The following COMMD10 variants were observed in gnomAD, a reference collection of about 807,000 sequenced individuals.
The protein encoded by COMMD10 is COMM domain-containing protein 10.
COMMD10 carries 33 observed loss-of-function variants against 28.9 expected under a neutral mutation model. The ratio of observed to expected loss-of-function variants is 1.14; its 90% confidence interval spans 0.87 to 1.53. The LOEUF (loss-of-function observed/expected upper bound fraction) is 1.53, where lower values mean the gene tolerates loss of function less well. Among genes scored for constraint, COMMD10 ranks in the 40% most tolerant of loss-of-function variants. COMMD10 has a pLI of 0.00. For missense variants in COMMD10, 310 were observed against 233.4 expected (o/e 1.33, Z -2.14); for synonymous variants, 110 against 81.7 (o/e 1.35, Z -1.87).
intron 4 of COMMD10, among the ~76,000 whole-genome samples, chr5:116,112,960 G>T (rs1448258583): frequency 6.6e-6 from 1 of 152,086 alleles, no homozygotes. Flanking sequence ...ATATTGTCCT[G>T]TCTCTTCCAA....
At chr5:116,182,379 A>G (rs1251123357) in intron 5 of COMMD10, among the ~76,000 whole-genome samples, 1 of 151,910 alleles carries the variant, frequency 6.6e-6, no homozygotes, top group Non-Finnish European at 1.5e-5. Flanking sequence ...AATTAATGGT[A>G]GTATTGTTTA....
chr5:116,254,752 T>C (rs12522519), intron 5 of COMMD10, among the ~76,000 whole-genome samples: 11,097 of 151,782 alleles, frequency 0.073, 515 homozygotes, highest in Admixed American at 0.13. Flanking sequence ...TGTGGTGTGG[T>C]GCTGACAAAA....
At chr5:116,289,571 A>G (rs1751312207) in intron 5 of COMMD10, among the ~76,000 whole-genome samples, 1 of 151,828 alleles carries the variant, frequency 6.6e-6, no homozygotes. Context: ...TTCTTTAATT[A>G]ATACAGAAAC....
intron 5 of COMMD10, among the ~76,000 whole-genome samples, chr5:116,155,284 T>C (rs1448661893): frequency 6.6e-6 from 1 of 152,160 alleles, no homozygotes. Context: ...CACATAAATA[T>C]GAAGTTTCTA....
chr5:116,227,321 C>A (rs1200894473), intron 5 of COMMD10, among the ~76,000 whole-genome samples: 1 of 151,918 alleles, frequency 6.6e-6, no homozygotes, highest in South Asian at 2.1e-4. Context: ...TTATTCTTAC[C>A]AATAATTCTG....
At chr5:116,136,810 C>T (rs1175631157) in intron 5 of COMMD10, among the ~76,000 whole-genome samples, 1 of 152,052 alleles carries the variant, frequency 6.6e-6, no homozygotes, top group Non-Finnish European at 1.5e-5. Flanking sequence ...AGCTAGAGCA[C>T]CATTTTCATT....
intron 4 of COMMD10, among the ~76,000 whole-genome samples, chr5:116,127,168 T>G (rs1461374315): frequency 2.6e-5 from 4 of 152,062 alleles, no homozygotes; most frequent in African/African-American, 9.7e-5. Flanking sequence ...AACAGACACA[T>G]GAAAAAATGT....
In COMMD10 at chr5:116,127,614, A is replaced by G. The variant is rs530182043; in HGVS notation, c.400-6454A>G. 3.9e-5 allele frequency among the ~76,000 whole-genome samples: 6 copies of G among 152,336 alleles called. No homozygotes were observed. In the South Asian group the frequency reaches 1.0e-3, roughly 26 times the overall value. On this transcript the variant is annotated intron_variant, in intron 4 of 6. Coordinates refer to ENST00000274458, the MANE Select transcript of COMMD10 (RefSeq NM_016144.4). ...TGCAGCCATAAAAAAGGATGAGTTCATGTCCTTTGTAGAGACATGGATGAA... is the reference window on the plus strand; with the variant it reads ...TGCAGCCATAAAAAAGGATGAGTTCGTGTCCTTTGTAGAGACATGGATGAA...
intron 4 of COMMD10, among the ~76,000 whole-genome samples, chr5:116,101,451 G>C (rs1356949165): frequency 6.6e-6 from 1 of 151,288 alleles, no homozygotes; most frequent in Non-Finnish European, 1.5e-5. Flanking sequence ...TTTTGAGACG[G>C]AGTCTTGCTC....
intron 5 of COMMD10, among the ~76,000 whole-genome samples, chr5:116,143,076 T>G (rs1232819757): frequency 2.0e-5 from 3 of 150,300 alleles, no homozygotes; most frequent in Non-Finnish European, 4.5e-5. Flanking sequence ...TTGGTTTTTT[T>G]TTTTTTTTTT....
intron 4 of COMMD10, among the ~76,000 whole-genome samples, chr5:116,128,604 T>G (rs1157166966): frequency 6.6e-6 from 1 of 152,014 alleles, no homozygotes; most frequent in Non-Finnish European, 1.5e-5. Context: ...CTTATTTGCT[T>G]AGTTATGAGT....
At chr5:116,243,734 T>C (rs1749871150) in intron 5 of COMMD10, among the ~76,000 whole-genome samples, 1 of 152,112 alleles carries the variant, frequency 6.6e-6, no homozygotes, top group Non-Finnish European at 1.5e-5. Flanking sequence ...CCACCAGTAG[T>C]ATGTAGAATC....
intron 5 of COMMD10, among the ~76,000 whole-genome samples, chr5:116,145,691 C>G (rs966152243): frequency 2.0e-5 from 3 of 151,814 alleles, no homozygotes; most frequent in African/African-American, 7.3e-5. Context: ...AAGGGAGAGA[C>G]CAGGTGGAGG....
chr5:116,105,037 T>C (rs1030418284), intron 4 of COMMD10, among the ~76,000 whole-genome samples: 17 of 152,320 alleles, frequency 1.1e-4, no homozygotes, highest in African/African-American at 2.4e-5. Flanking sequence ...CTTGTGCTGG[T>C]TTTCAAAGGG....
chr5:116,255,892 CTTATTT>C (rs1259269843), intron 5 of COMMD10: 1 of 151,202 alleles, frequency 6.6e-6, no homozygotes, highest in Non-Finnish European at 1.5e-5. Flanking sequence ...GAACATAATT[CTTATTT>C]TTAAGCCATT....
chr5:116,103,641 C>A (rs1020473395), intron 4 of COMMD10, among the ~76,000 whole-genome samples: 2 of 152,186 alleles, frequency 1.3e-5, no homozygotes, highest in African/African-American at 4.8e-5. Context: ...GTTTCTTTTG[C>A]TGGGCAGAAG....
At chr5:116,122,924 C>T (rs1397179433) in intron 4 of COMMD10, among the ~76,000 whole-genome samples, 11 of 152,124 alleles carry the variant, frequency 7.2e-5, no homozygotes, top group African/African-American at 1.7e-4. Flanking sequence ...CATCTGCAAA[C>T]GGGGACAGTT....
intron 4 of COMMD10, among the ~76,000 whole-genome samples, chr5:116,094,190 A>G (rs893807723): frequency 6.6e-6 from 1 of 152,156 alleles, no homozygotes; most frequent in African/African-American, 2.4e-5. Context: ...TAAACTAAAA[A>G]TCTTCTGTAC....
intron 5 of COMMD10, among the ~76,000 whole-genome samples, chr5:116,204,202 T>C (rs1227419882): frequency 1.3e-5 from 2 of 152,272 alleles, no homozygotes; most frequent in South Asian, 2.1e-4. Flanking sequence ...ATCCTAAATA[T>C]ATATGCACCC....
Sources: gnomAD v4.1 joint callset for allele counts (sites outside exome capture counted in the v4.1 genomes callset) on GRCh38, gnomAD v4.1.1 for gene constraint, MANE v1.5 for transcripts, NCBI Gene and HGNC (gene_info 2026-07-23, HGNC 2026-07-21) for gene names.